ARHGEF17: variants seen among roughly 807,000 people sequenced by gnomAD.
The protein encoded by ARHGEF17 is 164 kDa Rho-specific guanine-nucleotide exchange factor.
A neutral mutation model predicts 174.0 loss-of-function variants in ARHGEF17; 80 were observed. That is an observed-to-expected ratio of 0.46 (90% CI 0.38 to 0.55). The LOEUF (loss-of-function observed/expected upper bound fraction) is 0.55. Among genes scored for constraint, ARHGEF17 ranks in the 20% least tolerant of loss-of-function variants. The pLI, the probability that ARHGEF17 is intolerant of heterozygous loss-of-function variation, is 0.00. For missense variants in ARHGEF17, 2,886 were observed against 2,839.7 expected (o/e 1.02, Z -0.37); for synonymous variants, 1,311 against 1,189.1 (o/e 1.10, Z -2.11).
chr11:73,358,624 A>ATT (rs59474308), intron 9 of ARHGEF17, among the ~76,000 whole-genome samples: 1,658 of 142,638 alleles, frequency 0.012, 34 homozygotes, highest in African/African-American at 0.04. Flanking sequence ...CGCCCGGTTA[A>ATT]TTTTTTTTTT....
At chr11:73,358,148 G>A (rs138601911) in intron 9 of ARHGEF17, among the ~76,000 whole-genome samples, 3 of 152,406 alleles carry the variant, frequency 2.0e-5, no homozygotes, top group Non-Finnish European at 4.4e-5. Context: ...CCCAGGTGGT[G>A]AGGGTTGGGA....
At chr11:73,352,591 C>A (rs1865572133) in intron 2 of ARHGEF17, among the ~76,000 whole-genome samples, 1 of 152,198 alleles carries the variant, frequency 6.6e-6, no homozygotes, top group Non-Finnish European at 1.5e-5. Context: ...TTAAACAAAC[C>A]TCTTCCTGAG....
chr11:73,308,759 C>T lies in ARHGEF17; in HGVS notation c.121C>T (p.Arg41Cys), dbSNP rs1052546299. Residue 41 changes from arginine to cysteine, a missense_variant, in exon 1 of 21, where the codon CGC (arginine) becomes TGC (cysteine). Arg to Cys is a radical substitution (Grantham distance 180). Around this residue, in one of 4 missense-constraint regions of ARHGEF17, gnomAD observed 1,728 missense variants for 1,461.2 expected, o/e 1.18. Transcript: ENST00000263674. ...EDTDTPGLRR[R>C]ASCRPTTAAR... Reference sequence around the variant, plus strand: ...CACGGACACCCCCGGCTTGAGGCGACGCGCCTCGTGCCGGCCGACCACGGC... The same window carrying T: ...CACGGACACCCCCGGCTTGAGGCGATGCGCCTCGTGCCGGCCGACCACGGC... The T allele has an allele frequency of 2.7e-6, 4 of 1,465,198 alleles. No individual in the cohort carries two copies. The African/African-American group carries it at 5.9e-5, about 22-fold the overall frequency. The allele number at this position is 1,465,198 out of a possible 1,614,324, so 90.8% of individuals were successfully genotyped here. A position where few individuals can be genotyped will look rare whatever the true frequency, so the allele number is the denominator to read the frequency against.
rs576616947 is a variant in ARHGEF17 at position 73,356,832 on chromosome 11, T to C, written c.3891+73T>C. 27 of 1,596,384 alleles carry C rather than the reference T, an allele frequency of 1.7e-5. No homozygotes were observed. In the East Asian group the frequency reaches 5.8e-4, roughly 34 times the overall value. On this transcript the variant is annotated intron_variant, in intron 7 of 20. Transcript: ENST00000263674. ...TGTCCTCTCTTCTGCTCACACCCTC[T>C]ACCTGCAGGTCTCCCTGCTCTTTCA...
At chr11:73,337,356 G>C (rs1476876124) in intron 1 of ARHGEF17, among the ~76,000 whole-genome samples, 1 of 147,714 alleles carries the variant, frequency 6.8e-6, no homozygotes, top group Non-Finnish European at 1.5e-5. Flanking sequence ...GCAGTGAGCT[G>C]TCACGCCACT....
At chr11:73,325,098 T>C (rs962339491) in intron 1 of ARHGEF17, among the ~76,000 whole-genome samples, 1 of 152,154 alleles carries the variant, frequency 6.6e-6, no homozygotes, top group Non-Finnish European at 1.5e-5. Context: ...CAGTCCCGTT[T>C]GCAGTATCTG....
At position 73,311,586 on chromosome 11, in the gene ARHGEF17, C is replaced by T. The variant is rs1286597858; in HGVS notation, c.2948C>T (p.Ala983Val). 1 of 1,613,656 alleles carries T rather than the reference C, an allele frequency of 6.2e-7. No homozygotes were observed. The highest frequency in any genetic ancestry group is 8.5e-7 in the Non-Finnish European group (1 of 1,180,024). ...EPPTSVGPPV[A>V]VPEPIGFPTR... Reference sequence around the variant, plus strand: ...CCAACTTCTGTTGGTCCCCCTGTGGCTGTGCCAGAACCCATAGGCTTCCCT... The same window carrying T: ...CCAACTTCTGTTGGTCCCCCTGTGGTTGTGCCAGAACCCATAGGCTTCCCT... Residue 983 changes from alanine to valine, a missense_variant, in exon 1 of 21, where the codon GCT (alanine) becomes GTT (valine). Ala to Val is a moderately conservative substitution (Grantham distance 64). Coordinates refer to ENST00000263674, the MANE Select transcript of ARHGEF17 (RefSeq NM_014786.4).
chr11:73,362,064 A>G lies in ARHGEF17; in HGVS notation c.4519A>G (p.Asn1507Asp), dbSNP rs767281944. ...GTTCTCCTGTGCGGCTCCCACCCTG[A>G]ACAGCTGCCCGGAGCCCTCGCCTGA... ...MQFSCAAPTLNSCPEPSPEVW... is the reference protein window; with the variant it reads ...MQFSCAAPTLDSCPEPSPEVW... Residue 1507 changes from asparagine (N) to aspartate (D), a missense_variant, in exon 13 of 21, where the codon AAC becomes GAC. Asn to Asp is a conservative substitution (Grantham distance 23). This residue lies in a region of ARHGEF17 where 476 missense variants were observed against 473.1 expected (regional missense o/e 1.01). Transcript: ENST00000263674. The G allele has an allele frequency of 6.2e-7, 1 of 1,612,732 alleles. No homozygotes were observed. Among genetic ancestry groups the G allele is most frequent in the South Asian group, 1.1e-5 (1 of 91,066 alleles).
rs755734327 is a variant in ARHGEF17, at chr11:73,311,858, T to G, written c.3192+28T>G. ...GAGTCCTTTGTAGGGGCCTTCAGAT[T>G]GGGGCCAAAGAAGGGCCATGGGCAC... On this transcript the variant is annotated intron_variant, in intron 1 of 20. Coordinates refer to ENST00000263674, the MANE Select transcript of ARHGEF17 (RefSeq NM_014786.4). 12 of 1,567,026 alleles carry G rather than the reference T, an allele frequency of 7.7e-6. No individual in the cohort carries two copies. In the African/African-American group the frequency reaches 1.5e-4, roughly 19 times the overall value.
intron 1 of ARHGEF17, among the ~76,000 whole-genome samples, chr11:73,340,949 G>A (rs1309902762): frequency 6.6e-6 from 1 of 152,226 alleles, no homozygotes; most frequent in Admixed American, 6.5e-5. Context: ...GAGGGTAAGA[G>A]GCAGAGAGCT....
At chr11:73,320,411 G>A (rs1278382339) in intron 1 of ARHGEF17, among the ~76,000 whole-genome samples, 2 of 151,690 alleles carry the variant, frequency 1.3e-5, no homozygotes, top group South Asian at 2.1e-4. Context: ...CGAGGCGGGC[G>A]GATCACAAGG....
intron 1 of ARHGEF17, among the ~76,000 whole-genome samples, chr11:73,329,353 ATATATATATATATATATATATTTTT>A (rs1865158639): frequency 3.3e-5 from 1 of 30,530 alleles, no homozygotes; most frequent in Non-Finnish European, 5.7e-5. Flanking sequence ...ATATATATAT[ATATATATATATATATATATATTTTT>A]TTTTTTTTTT....
intron 1 of ARHGEF17, among the ~76,000 whole-genome samples, chr11:73,325,410 C>A (rs1865084893): frequency 6.6e-6 from 1 of 152,148 alleles, no homozygotes; most frequent in South Asian, 2.1e-4. Flanking sequence ...AGAGAGGAGC[C>A]CTGCTGGAGC....
chr11:73,308,533 G>T lies in ARHGEF17; in HGVS notation c.-106G>T. 1 of 1,028,168 alleles carries T rather than the reference G, an allele frequency of 9.7e-7. No individual in the cohort carries two copies. Among genetic ancestry groups the T allele is most frequent in the East Asian group, 3.3e-5 (1 of 30,414 alleles). 63.7% of individuals were successfully genotyped at this position (1,028,168 alleles called of 1,614,324 possible). A position where few individuals can be genotyped will look rare whatever the true frequency, so the allele number is the denominator to read the frequency against. On this transcript the variant is annotated 5_prime_UTR_variant, in exon 1 of 21. Transcript: ENST00000263674. ...CTCTGCGTCCTCTTCCCACACTCCC[G>T]TGCGCTGCTTTCGGCGTGGGCCGCT... is the stretch of plus-strand genomic sequence containing the variant.
At position 73,309,541 on chromosome 11, in the gene ARHGEF17, A is replaced by G. The variant is rs950323814; in HGVS notation, c.903A>G (p.Leu301=). The change falls in exon 1 of 21, where the codon CTA becomes CTG. Residue 301 remains leucine (L), a synonymous_variant. Coordinates refer to ENST00000263674, the MANE Select transcript of ARHGEF17 (RefSeq NM_014786.4). ...GRPGLRPGSS[L]LDQDCRPDSD... is the part of the protein sequence containing the mutation. ...CCGGGCTCAGGCCTGGAAGCTCCCT[A>G]TTGGATCAGGACTGCAGGCCTGACA... 4 of 1,590,976 alleles carry G rather than the reference A, an allele frequency of 2.5e-6. No homozygotes were observed. The highest frequency in any genetic ancestry group is 2.3e-5 in the East Asian group (1 of 44,316).
chr11:73,312,187 A>G (rs1417213476), intron 1 of ARHGEF17, among the ~76,000 whole-genome samples: 2 of 152,016 alleles, frequency 1.3e-5, no homozygotes, highest in East Asian at 3.9e-4. Context: ...GTGTGATGGC[A>G]CCCAGCGCAG....
intron 1 of ARHGEF17, among the ~76,000 whole-genome samples, chr11:73,330,700 A>C (rs1030270065): frequency 6.6e-6 from 1 of 152,190 alleles, no homozygotes; most frequent in Admixed American, 6.5e-5. Context: ...GGCAAGCCCC[A>C]TCCCCTCTCT....
intron 1 of ARHGEF17, chr11:73,343,139 C>G (rs1397956066): frequency 2.7e-6 from 1 of 375,852 alleles, no homozygotes; most frequent in Non-Finnish European, 4.7e-6. Flanking sequence ...GGCTGGCCGG[C>G]CGCATGCTGC....
At chr11:73,346,595 G>A (rs1480640472) in intron 1 of ARHGEF17, among the ~76,000 whole-genome samples, 1 of 152,238 alleles carries the variant, frequency 6.6e-6, no homozygotes, top group Non-Finnish European at 1.5e-5. Flanking sequence ...TGGCAGAGGA[G>A]CCAAGAAGTG....
Sources: allele counts gnomAD v4.1 joint callset (sites outside exome capture counted in the v4.1 genomes callset), GRCh38; gene constraint gnomAD v4.1.1; regional missense constraint gnomAD v4.1.1; transcripts MANE v1.5; gene names NCBI Gene and HGNC (gene_info 2026-07-23, HGNC 2026-07-21).